OR2A14: variants seen among roughly 807,000 people sequenced by gnomAD.
OR2A14 encodes olfactory receptor 2A14.
OR2A14 carries 2 observed loss-of-function variants against 2.4 expected under a neutral mutation model. That is an observed-to-expected ratio of 0.85 (90% CI 0.35 to 2.67). OR2A14 has a LOEUF of 2.67. Among genes scored for constraint, OR2A14 ranks in the 30% most tolerant of loss-of-function variants. The pLI, the probability that OR2A14 is intolerant of heterozygous loss-of-function variation, is 0.10. For missense variants in OR2A14, 390 were observed against 379.4 expected, an observed-to-expected ratio of 1.03 and a Z score of -0.23; for synonymous variants, 160 against 156.3, an observed-to-expected ratio of 1.02 and a Z score of -0.18.
chr7:144,126,276 T>A (rs961848224), intron 1 of OR2A14, among the ~76,000 whole-genome samples: 1 of 152,238 alleles, frequency 6.6e-6, no homozygotes, highest in African/African-American at 2.4e-5. Flanking sequence ...GTATATCAGC[T>A]AAACTGATGA....
chr7:144,129,076 C>G lies in OR2A14; in HGVS notation c.-34-3C>G. ...CCTCTGTGCATCTTTGACTGGCCCA[C>G]AGCTCTGACCTTCCTGTCCTAGATG... On this transcript the variant is annotated splice_polypyrimidine_tract_variant and splice_region_variant and intron_variant, in intron 1 of 1. Coordinates refer to ENST00000641068, the MANE Select transcript of OR2A14 (RefSeq NM_001001659.3). 6.5e-7 allele frequency: 1 copy of G among 1,532,042 alleles called. No homozygotes were observed. 94.9% of individuals were successfully genotyped at this position (1,532,042 alleles called of 1,614,324 possible). A position where few individuals can be genotyped will look rare whatever the true frequency, so the allele number is the denominator to read the frequency against.
intron 1 of OR2A14, among the ~76,000 whole-genome samples, chr7:144,124,323 A>G (rs1322838046): frequency 6.6e-6 from 1 of 152,064 alleles, no homozygotes; most frequent in Non-Finnish European, 1.5e-5. Context: ...TTAGCCAGGC[A>G]TGGTGGTGCA....
At chr7:144,126,040 A>G (rs2051480222) in intron 1 of OR2A14, among the ~76,000 whole-genome samples, 1 of 152,208 alleles carries the variant, frequency 6.6e-6, no homozygotes. Flanking sequence ...GGTCTCAGGG[A>G]TAAAAGGCTT....
At chr7:144,127,217 A>C (rs12670543) in intron 1 of OR2A14, among the ~76,000 whole-genome samples, 18,143 of 152,254 alleles carry the variant, frequency 0.12, 1,974 homozygotes, top group East Asian at 0.38. Context: ...CTCAAGGATC[A>C]TTCGTTAAGG....
Position 144,130,066 on chromosome 7 carries a change from G to T in OR2A14, c.*21G>T, listed in dbSNP as rs2051520525. ...CGTGAGACATCTCAAAGGGAACCATGGGGAGGGAGCCTTGCTCCCTGCAAA... is the reference window on the plus strand; with the variant it reads ...CGTGAGACATCTCAAAGGGAACCATTGGGAGGGAGCCTTGCTCCCTGCAAA... On this transcript the variant is annotated 3_prime_UTR_variant, in exon 2 of 2. Transcript: ENST00000641068. 1 of 1,588,572 alleles carries T rather than the reference G, an allele frequency of 6.3e-7. No individual in the cohort carries two copies. Among genetic ancestry groups the T allele is most frequent in the African/African-American group, 1.4e-5 (1 of 73,702 alleles).
chr7:144,127,826 T>C (rs1450103548), intron 1 of OR2A14, among the ~76,000 whole-genome samples: 1 of 152,206 alleles, frequency 6.6e-6, no homozygotes, highest in Non-Finnish European at 1.5e-5. Flanking sequence ...CTGGAATAAA[T>C]GTGAAGTGTT....
Position 144,129,433 on chromosome 7 carries a change from T to A in OR2A14, c.321T>A (p.Ala107=). The change falls in exon 2 of 2, where the codon GCT becomes GCA. Residue 107 remains alanine (A), a synonymous_variant. Coordinates refer to ENST00000641068, the MANE Select transcript of OR2A14 (RefSeq NM_001001659.3). The part of the protein sequence containing the change: ...IMQTFLYLAF[A]HVECLILVVM... ...AGACATTCTTGTATTTGGCTTTTGC[T>A]CACGTAGAGTGTCTGATTTTGGTGG... 1 of 1,614,162 alleles carries A rather than the reference T, an allele frequency of 6.2e-7. No homozygotes were observed. Among genetic ancestry groups the A allele is most frequent in the Non-Finnish European group, 8.5e-7 (1 of 1,179,996 alleles).
intron 1 of OR2A14, among the ~76,000 whole-genome samples, chr7:144,128,213 AT>A: frequency 6.6e-6 from 1 of 152,360 alleles, no homozygotes; most frequent in South Asian, 2.1e-4. Flanking sequence ...ATAAAATACA[AT>A]TACGATACAG....
rs1881901 is a variant in OR2A14, at chr7:144,130,689, C to T, written c.*644C>T. 80,093 of 151,282 alleles carry T rather than the reference C, an allele frequency of 0.53. 21,481 individuals carry two copies. The highest frequency in any genetic ancestry group is 0.74 in the East Asian group (3,821 of 5,160). The allele number at this position is 151,282 out of a possible 1,614,324, so 9.4% of individuals were successfully genotyped here. ...ATCTATTTCTAATATTGGAAATGGT[C>T]GATACTAGCAGAGTTTGTGCCAATA... is the stretch of plus-strand genomic sequence containing the variant. On this transcript the variant is annotated 3_prime_UTR_variant, in exon 2 of 2. Coordinates refer to ENST00000641068, the MANE Select transcript of OR2A14 (RefSeq NM_001001659.3).
At chr7:144,127,872 T>C (rs370910344) in intron 1 of OR2A14, among the ~76,000 whole-genome samples, 1 of 152,220 alleles carries the variant, frequency 6.6e-6, no homozygotes, top group Non-Finnish European at 1.5e-5. Flanking sequence ...TTTCTCCACC[T>C]GATGAGGCCA....
At chr7:144,125,896 T>C (rs564012022) in intron 1 of OR2A14, among the ~76,000 whole-genome samples, 140 of 152,336 alleles carry the variant, frequency 9.2e-4, no homozygotes, top group African/African-American at 3.3e-3. Context: ...GACTGGATTT[T>C]TTTTTTACTC....
chr7:144,130,244 AAAG>A lies in OR2A14; in HGVS notation c.*204_*206del, dbSNP rs1260112854. On this transcript the variant is annotated 3_prime_UTR_variant, in exon 2 of 2. Coordinates refer to ENST00000641068, the MANE Select transcript of OR2A14 (RefSeq NM_001001659.3). ...TAATACTGGATAGGCATAAATTCAT[AAAG>A]AAGACACAAAAGTCCCTAGATATAA... 1.1e-5 allele frequency: 5 copies of A among 449,502 alleles called. No individual in the cohort carries two copies. In the Admixed American group the frequency reaches 1.2e-4, roughly 10 times the overall value. The allele number at this position is 449,502 out of a possible 1,614,324, so 27.8% of individuals were successfully genotyped here.
chr7:144,129,236 G>T lies in OR2A14; in HGVS notation c.124G>T (p.Gly42Trp). The T allele has an allele frequency of 6.2e-7, 1 of 1,613,976 alleles. No individual in the cohort carries two copies. The highest frequency in any genetic ancestry group is 8.5e-7 in the Non-Finnish European group (1 of 1,180,016). Residue 42 changes from glycine to tryptophan, a missense_variant, in exon 2 of 2, where the codon GGG becomes TGG. Transcript: ENST00000641068. ...AFYTLTLLGN[G>W]VIFGIICLDC... ...CTATACACTCACCCTGCTGGGGAAT[G>T]GGGTCATCTTTGGGATTATCTGCCT... is the stretch of plus-strand genomic sequence containing the variant.
rs1385807912 is a variant in OR2A14, at chr7:144,129,888, T to C, written c.776T>C (p.Met259Thr). 1 of 1,614,218 alleles carries C rather than the reference T, an allele frequency of 6.2e-7. No individual in the cohort carries two copies. Among genetic ancestry groups the C allele is most frequent in the Admixed American group, 1.7e-5 (1 of 60,024 alleles). ...TTTGGCAGCGCCATTGTCACGTACA[T>C]GGCCCCCAAGTCCCGCCATCCTGAG... ...LFFGSAIVTYMAPKSRHPEEQ... is the reference protein window; with the variant it reads ...LFFGSAIVTYTAPKSRHPEEQ... The change falls in exon 2 of 2, where the codon ATG becomes ACG. Residue 259 changes from methionine to threonine, a missense_variant. By Grantham distance (81) the Met-to-Thr change is moderately conservative. Coordinates refer to ENST00000641068, the MANE Select transcript of OR2A14 (RefSeq NM_001001659.3).
rs141000271 is a variant in OR2A14, at chr7:144,128,095, T to C, written c.-34-984T>C. Among the ~76,000 whole-genome samples the C allele has an allele frequency of 6.6e-5, 10 of 152,310 alleles. No homozygotes were observed. In the East Asian group the frequency reaches 1.9e-3, roughly 29 times the overall value. ...TTAGGGGAACCGACAGCAACCCCAG[T>C]TGCCATAGCTGGGAATATATTGATG... On this transcript the variant is annotated intron_variant, in intron 1 of 1. Transcript: ENST00000641068.
intron 1 of OR2A14, among the ~76,000 whole-genome samples, chr7:144,128,177 TAA>T: frequency 6.6e-6 from 1 of 152,228 alleles, no homozygotes; most frequent in East Asian, 1.9e-4. Context: ...GTCAACATAT[TAA>T]GTTATAATCG....
intron 1 of OR2A14, among the ~76,000 whole-genome samples, chr7:144,125,625 TAC>T (rs2051477364): frequency 6.6e-6 from 1 of 152,232 alleles, no homozygotes; most frequent in African/African-American, 2.4e-5. Context: ...TGGCCTCTTG[TAC>T]ACAACTGTTA....
At chr7:144,128,761 G>T (rs1312594394) in intron 1 of OR2A14, among the ~76,000 whole-genome samples, 1 of 152,180 alleles carries the variant, frequency 6.6e-6, no homozygotes, top group Non-Finnish European at 1.5e-5. Flanking sequence ...ATTTCACACT[G>T]AAAGGGAAGC....
Position 144,131,089 on chromosome 7 carries a change from A to G in OR2A14, c.*1044A>G, listed in dbSNP as rs2051528479. 1 of 152,336 alleles carries G rather than the reference A, an allele frequency of 6.6e-6. No individual in the cohort carries two copies. The highest frequency in any genetic ancestry group is 2.1e-4 in the South Asian group (1 of 4,818). The allele number at this position is 152,336 out of a possible 1,614,324, so 9.4% of individuals were successfully genotyped here. A position where few individuals can be genotyped will look rare whatever the true frequency, so the allele number is the denominator to read the frequency against. Reference sequence around the variant, plus strand: ...GTCTTGCAGTCAAATTCCTGTGATCACATTGTACTTACTTGAGAGTGAGAC... The same window carrying G: ...GTCTTGCAGTCAAATTCCTGTGATCGCATTGTACTTACTTGAGAGTGAGAC... On this transcript the variant is annotated 3_prime_UTR_variant, in exon 2 of 2. Transcript: ENST00000641068.
Sources: allele counts gnomAD v4.1 joint callset (sites outside exome capture counted in the v4.1 genomes callset), GRCh38; gene constraint gnomAD v4.1.1; transcripts MANE v1.5; gene names NCBI Gene and HGNC (gene_info 2026-07-23, HGNC 2026-07-21).